The following CAMK1D variants were observed in gnomAD, a reference collection of about 807,000 sequenced individuals.
CAMK1D encodes the protein calcium/calmodulin-dependent protein kinase type 1D.
In CAMK1D, 9 loss-of-function variants were observed where a neutral mutation model predicts 47.7. The ratio of observed to expected loss-of-function variants is 0.19; its 90% CI spans 0.11 to 0.33. The LOEUF (loss-of-function observed/expected upper bound fraction) is 0.33, where lower values mean the gene tolerates loss of function less well. CAMK1D is among the 10% of genes least tolerant of loss of function. The pLI is 1.00. For missense variants in CAMK1D, 291 were observed against 488.7 expected, an observed-to-expected ratio of 0.60 and a Z score of 3.81; for synonymous variants, 184 against 184.9, an observed-to-expected ratio of 0.99 and a Z score of 0.04.
In CAMK1D at chr10:12,538,248, A is replaced by G. The variant is rs537925055; in HGVS notation, c.93-14977A>G. ...CATGGTCCGTATCATTGCCTGTGAC[A>G]TTTACCCTCAGGAAAGATGCCAGCA... is the stretch of plus-strand genomic sequence containing the variant. On this transcript the variant is annotated intron_variant, in intron 1 of 10. Coordinates refer to ENST00000619168, the MANE Select transcript of CAMK1D (RefSeq NM_153498.4). 7.9e-5 allele frequency among the ~76,000 whole-genome samples: 12 copies of G among 152,240 alleles called. No individual in the cohort carries two copies. In the South Asian group the frequency reaches 2.5e-3, roughly 32 times the overall value.
At chr10:12,619,559 A>G (rs901708788) in intron 2 of CAMK1D, among the ~76,000 whole-genome samples, 5 of 152,146 alleles carry the variant, frequency 3.3e-5, no homozygotes, top group African/African-American at 4.8e-5. Flanking sequence ...AAGTGTTGGG[A>G]TTATAGGTGT....
rs71386105 is a variant in CAMK1D, at chr10:12,611,588, C to CTTTTTTTTTTTTTTTTTTTTTT, written c.225-55127_225-55126insTTTTTTTTTTTTTTTTTTTTTT. ...CAGTTCCCTGAATGTTTCAGAATGC[C>CTTTTTTTTTTTTTTTTTTTTTT]TTTTTTTTTTTTTTTTTTTTTGAGA... On this transcript the variant is annotated intron_variant, in intron 2 of 10. Transcript: ENST00000619168. Among the ~76,000 whole-genome samples, 106 of 59,944 alleles carry CTTTTTTTTTTTTTTTTTTTTTT rather than the reference C, an allele frequency of 1.8e-3. 20 individuals carry two copies. Among genetic ancestry groups the CTTTTTTTTTTTTTTTTTTTTTT allele is most frequent in the East Asian group, 3.7e-3 (5 of 1,340 alleles). 39.3% of individuals were successfully genotyped at this position (59,944 alleles called of 152,430 possible).
intron 2 of CAMK1D, among the ~76,000 whole-genome samples, chr10:12,602,733 G>A (rs1419724158): frequency 1.3e-5 from 2 of 151,962 alleles, no homozygotes; most frequent in African/African-American, 4.8e-5. Flanking sequence ...TTTCAGGTCC[G>A]TAATGGCACT....
intron 1 of CAMK1D, among the ~76,000 whole-genome samples, chr10:12,454,288 G>A (rs1219279938): frequency 1.3e-5 from 2 of 152,186 alleles, no homozygotes; most frequent in Non-Finnish European, 2.9e-5. Flanking sequence ...TCAGCCTCCT[G>A]AGTAGCTGGG....
chr10:12,636,599 A>AT (rs1839518519), intron 2 of CAMK1D, among the ~76,000 whole-genome samples: 1 of 152,144 alleles, frequency 6.6e-6, no homozygotes, highest in South Asian at 2.1e-4. Context: ...AAGTGCTGGG[A>AT]TTGTAGGCCT....
chr10:12,535,674 A>T (rs1285528953), intron 1 of CAMK1D, among the ~76,000 whole-genome samples: 4 of 152,180 alleles, frequency 2.6e-5, no homozygotes, highest in African/African-American at 7.2e-5. Context: ...GATTACTCAA[A>T]TGTGGCTACT....
At chr10:12,576,565 C>T (rs1283448282) in intron 2 of CAMK1D, among the ~76,000 whole-genome samples, 3 of 152,072 alleles carry the variant, frequency 2.0e-5, no homozygotes, top group Admixed American at 2.0e-4. Context: ...CTAGATGGTC[C>T]TACTTGGGGG....
intron 3 of CAMK1D, among the ~76,000 whole-genome samples, chr10:12,712,890 TAGC>T (rs1221052356): frequency 1.3e-5 from 2 of 152,106 alleles, no homozygotes; most frequent in Non-Finnish European, 2.9e-5. Context: ...GTACTGAGCT[TAGC>T]AGCAGCCAGC....
intron 3 of CAMK1D, among the ~76,000 whole-genome samples, chr10:12,700,043 T>C (rs1185171235): frequency 6.6e-6 from 1 of 152,154 alleles, no homozygotes; most frequent in African/African-American, 2.4e-5. Flanking sequence ...GTAATACTCA[T>C]TTTCCACGAA....
chr10:12,489,843 A>T lies in CAMK1D; in HGVS notation c.93-63382A>T, dbSNP rs114356851. ...TGGTGTCAGCGATTGCTTTTAGGTG[A>T]AGCTGGTTCTGCAGGGACCACGGGC... On this transcript the variant is annotated intron_variant, in intron 1 of 10. Transcript: ENST00000619168. Among the ~76,000 whole-genome samples, 392 of 152,206 alleles carry T rather than the reference A, an allele frequency of 2.6e-3. 8 individuals carry two copies. The highest frequency in any genetic ancestry group is 9.1e-3 in the African/African-American group (379 of 41,500).
chr10:12,402,266 A>G (rs968142463), intron 1 of CAMK1D, among the ~76,000 whole-genome samples: 3 of 151,534 alleles, frequency 2.0e-5, no homozygotes, highest in Non-Finnish European at 2.9e-5. Context: ...CAGCATTTCA[A>G]TCTGTTGCTC....
At chr10:12,431,986 G>A (rs1832492138) in intron 1 of CAMK1D, among the ~76,000 whole-genome samples, 2 of 152,224 alleles carry the variant, frequency 1.3e-5, no homozygotes, top group African/African-American at 4.8e-5. Flanking sequence ...CAAGAAGGCC[G>A]ACCATGTCTC....
intron 1 of CAMK1D, among the ~76,000 whole-genome samples, chr10:12,453,547 G>A (rs1213239010): frequency 2.0e-5 from 3 of 151,996 alleles, no homozygotes; most frequent in Admixed American, 6.6e-5. Context: ...ATCATATTTC[G>A]CTTACCCATT....
chr10:12,601,193 G>GTTTTTTT (rs770880351), intron 2 of CAMK1D, among the ~76,000 whole-genome samples: 1 of 43,958 alleles, frequency 2.3e-5, no homozygotes, highest in African/African-American at 5.9e-5. Context: ...TTGTTTGTTT[G>GTTTTTTT]TTTTTTTTTT....
chr10:12,830,088 G>C lies in CAMK1D; in HGVS notation c.*1201G>C, dbSNP rs1833392458. 6.6e-6 allele frequency: 1 copy of C among 152,124 alleles called. No individual in the cohort carries two copies. The allele number at this position is 152,124 out of a possible 1,614,324, so 9.4% of individuals were successfully genotyped here. On this transcript the variant is annotated 3_prime_UTR_variant, in exon 11 of 11. Coordinates refer to ENST00000619168, the MANE Select transcript of CAMK1D (RefSeq NM_153498.4). Reference sequence around the variant, plus strand: ...GGACCCTCCCTTGCAAAAGGAACCAGCTGCCATGTTGCTGAAAGTGGGCCC... The same window carrying C: ...GGACCCTCCCTTGCAAAAGGAACCACCTGCCATGTTGCTGAAAGTGGGCCC...
chr10:12,391,233 G>A (rs1003208888), intron 1 of CAMK1D, among the ~76,000 whole-genome samples: 1 of 152,214 alleles, frequency 6.6e-6, no homozygotes, highest in Non-Finnish European at 1.5e-5. Context: ...CTCGTGTGGG[G>A]CCCTGGGAAC....
At chr10:12,562,863 G>T (rs1413516237) in intron 2 of CAMK1D, among the ~76,000 whole-genome samples, 3 of 152,216 alleles carry the variant, frequency 2.0e-5, no homozygotes, top group Non-Finnish European at 2.9e-5. Flanking sequence ...GGGAACTCAG[G>T]TAAAATTAAG....
At chr10:12,424,631 C>T (rs1346852562) in intron 1 of CAMK1D, among the ~76,000 whole-genome samples, 2 of 152,144 alleles carry the variant, frequency 1.3e-5, no homozygotes, top group Admixed American at 6.5e-5. Context: ...ACAAGTCTGA[C>T]CATGTTATTC....
At chr10:12,495,461 T>C (rs529203410) in intron 1 of CAMK1D, among the ~76,000 whole-genome samples, 64 of 152,346 alleles carry the variant, frequency 4.2e-4, no homozygotes, top group African/African-American at 1.5e-3. Flanking sequence ...ACTTCTGTTT[T>C]AATAGGTCAG....
Sources: allele counts gnomAD v4.1 joint callset (sites outside exome capture counted in the v4.1 genomes callset), GRCh38; gene constraint gnomAD v4.1.1; transcripts MANE v1.5; gene names NCBI Gene and HGNC (gene_info 2026-07-23, HGNC 2026-07-21).